Variants in BMAL2 observed in about 807,000 individuals in gnomAD.
The protein encoded by BMAL2 is basic helix-loop-helix ARNT-like protein 2.
At chr12:27,412,866 G>A in the BMAL2 span, among the ~76,000 whole-genome samples, 1 of 152,086 alleles carries the variant, frequency 6.6e-6, no homozygotes, top group Non-Finnish European at 1.5e-5. Context: ...CAAAGAAGGA[G>A]AGGATTTTGA....
chr12:27,416,288 C>T, the BMAL2 span, among the ~76,000 whole-genome samples: 1 of 151,998 alleles, frequency 6.6e-6, no homozygotes, highest in East Asian at 1.9e-4. Flanking sequence ...TAAACAAAAA[C>T]TCTTAGAACA....
the BMAL2 span, among the ~76,000 whole-genome samples, chr12:27,353,808 C>A: frequency 6.6e-6 from 1 of 152,014 alleles, no homozygotes; most frequent in Non-Finnish European, 1.5e-5. Context: ...AGCCAACAGA[C>A]ATGAAAAAAT....
chr12:27,361,196 A>G, the BMAL2 span, among the ~76,000 whole-genome samples: 1 of 152,186 alleles, frequency 6.6e-6, no homozygotes, highest in East Asian at 1.9e-4. Flanking sequence ...CTATGAGCCT[A>G]AACCAAGTGG....
At chr12:27,400,770 C>G in the BMAL2 span, 2 of 1,600,340 alleles carry the variant, frequency 1.2e-6, no homozygotes, top group Non-Finnish European at 8.5e-7. Flanking sequence ...CTATGTAGAT[C>G]AAAGGTAAAC....
chr12:27,341,839 C>T, the BMAL2 span, among the ~76,000 whole-genome samples: 1 of 152,174 alleles, frequency 6.6e-6, no homozygotes, highest in African/African-American at 2.4e-5. Flanking sequence ...AATCCGGTGC[C>T]CTGTGTCTGA....
chr12:27,397,071 TTTG>T, the BMAL2 span, among the ~76,000 whole-genome samples: 1 of 150,250 alleles, frequency 6.7e-6, no homozygotes, highest in Non-Finnish European at 1.5e-5. Context: ...TGTTTGTTTG[TTTG>T]TTTATTTATT....
chr12:27,380,175 C>T, the BMAL2 span: 13 of 1,466,858 alleles, frequency 8.9e-6, no homozygotes, highest in African/African-American at 1.7e-4. Flanking sequence ...GCATCTGCTC[C>T]AGTGAGCAAC....
At chr12:27,380,338 A>C in the BMAL2 span, 2 of 1,614,206 alleles carry the variant, frequency 1.2e-6, no homozygotes, top group South Asian at 1.1e-5. Flanking sequence ...GTGCAACCCC[A>C]TGGCGCGTAA....
At chr12:27,380,430 T>C in the BMAL2 span, 1 of 1,612,504 alleles carries the variant, frequency 6.2e-7, no homozygotes, top group Non-Finnish European at 8.5e-7. Flanking sequence ...GCTTCCACAC[T>C]TCGATAAGTG....
chr12:27,378,617 G>A, the BMAL2 span, among the ~76,000 whole-genome samples: 1 of 152,222 alleles, frequency 6.6e-6, no homozygotes, highest in Non-Finnish European at 1.5e-5. Context: ...AGGCAGATCA[G>A]GGAGAACCCT....
the BMAL2 span, among the ~76,000 whole-genome samples, chr12:27,396,354 C>A: frequency 4.6e-5 from 7 of 152,324 alleles, no homozygotes; most frequent in South Asian, 1.4e-3. Context: ...TACTATATGC[C>A]AAGCATGTTG....
At chr12:27,387,012 A>G in the BMAL2 span, among the ~76,000 whole-genome samples, 1 of 152,188 alleles carries the variant, frequency 6.6e-6, no homozygotes, top group Non-Finnish European at 1.5e-5. Context: ...TTCATGTCCA[A>G]AACATTAATT....
chr12:27,386,909 C>T, the BMAL2 span, among the ~76,000 whole-genome samples: 1 of 152,020 alleles, frequency 6.6e-6, no homozygotes, highest in Non-Finnish European at 1.5e-5. Context: ...GGGATATAGG[C>T]TCATTTAGTG....
chr12:27,366,553 A>T, the BMAL2 span, among the ~76,000 whole-genome samples: 1 of 152,212 alleles, frequency 6.6e-6, no homozygotes, highest in Non-Finnish European at 1.5e-5. Flanking sequence ...TCAAATTTAG[A>T]CTATAGGTTA....
the BMAL2 span, among the ~76,000 whole-genome samples, chr12:27,344,790 A>T: frequency 6.6e-6 from 1 of 152,214 alleles, no homozygotes; most frequent in Non-Finnish European, 1.5e-5. Context: ...AAGTTGCTTT[A>T]TTTCTCTGAG....
At chr12:27,368,734 A>C in the BMAL2 span, among the ~76,000 whole-genome samples, 1 of 152,174 alleles carries the variant, frequency 6.6e-6, no homozygotes, top group Non-Finnish European at 1.5e-5. Context: ...AACACCTTGG[A>C]TGTTTGATTT....
At chr12:27,400,478 A>G in the BMAL2 span, 1 of 1,404,508 alleles carries the variant, frequency 7.1e-7, no homozygotes, top group Non-Finnish European at 9.6e-7. Context: ...AATATAAGAA[A>G]TTTAATGACT....
chr12:27,349,687 C>T, the BMAL2 span, among the ~76,000 whole-genome samples: 1 of 152,112 alleles, frequency 6.6e-6, no homozygotes, highest in Non-Finnish European at 1.5e-5. Context: ...GAATATCTGC[C>T]CAACATAAGT....
chr12:27,387,914 A>G, the BMAL2 span, among the ~76,000 whole-genome samples: 1 of 152,224 alleles, frequency 6.6e-6, no homozygotes, highest in African/African-American at 2.4e-5. Context: ...AATAACTCAC[A>G]TTAGATTATA....
Sources: allele counts gnomAD v4.1 joint callset (sites outside exome capture counted in the v4.1 genomes callset), GRCh38; gene constraint gnomAD v4.1.1; transcripts MANE v1.5; gene names NCBI Gene and HGNC (gene_info 2026-07-23, HGNC 2026-07-21).